SZT2: variants seen among roughly 807,000 people sequenced by gnomAD.
The protein encoded by SZT2 is KICSTOR complex protein SZT2.
In SZT2, 216 loss-of-function variants were observed where a neutral mutation model predicts 404.2. That is an observed-to-expected ratio of 0.53 (90% CI 0.48 to 0.60). The LOEUF is 0.60. SZT2 is among the 20% of genes least tolerant of loss of function. The pLI is 0.00. For synonymous variants in SZT2, 1,693 were observed against 1,749.9 expected (o/e 0.97, Z 0.81); for missense variants, 3,857 against 4,459.2 (o/e 0.86, Z 3.85).
intron 36 of SZT2, 39 bp from the exon 37 acceptor site, chr1:43,432,224 AGGGAGGACT>A: frequency 6.6e-7 from 1 of 1,513,258 alleles, no homozygotes; most frequent in Non-Finnish European, 8.9e-7. Flanking sequence ...CACCATGTGT[AGGGAGGACT>A]GCCCTGCCTA....
At chr1:43,400,224 G>A (rs945742582) in intron 1 of SZT2, among the ~76,000 whole-genome samples, 3 of 152,198 alleles carry the variant, frequency 2.0e-5, no homozygotes, top group Admixed American at 6.5e-5. Flanking sequence ...ACAAGTCTGA[G>A]CCACAGTGCC....
rs571072300 is a variant in SZT2 at position 43,397,567 on chromosome 1, G to A, written c.28-5610G>A. Among the ~76,000 whole-genome samples the A allele has an allele frequency of 3.4e-4, 51 of 150,142 alleles. No homozygotes were observed. The East Asian group carries it at 7.0e-3, about 21-fold the overall frequency. ...GAGATGGATGGAGTCTTGCTCTGTT[G>A]CCCAGGCTGGAGTGCAGTGGTGCAA... On this transcript the variant is annotated intron_variant, in intron 1 of 71. Coordinates refer to ENST00000634258, the MANE Select transcript of SZT2 (RefSeq NM_001365999.1).
At position 43,450,426 on chromosome 1, in the gene SZT2, C is replaced by T. The variant is rs1366548034; in HGVS notation, c.10245C>T (p.His3415=). Residue 3415 remains histidine, a synonymous_variant, in exon 72 of 72, where the codon CAC becomes CAT. Transcript: ENST00000634258. This position sits in a 1 kb window ranked among gnomAD's most constrained non-coding sequence, Gnocchi z 4.3. ...PPAQLVSTYH[H]LESVINTACF... is the part of the protein sequence containing the mutation. The stretch of plus-strand genomic sequence containing the variant: ...CCCAACTGGTCTCCACCTACCACCA[C>T]CTGGAGTCTGTCATCAACACAGCCT... The T allele has an allele frequency of 6.2e-7, 1 of 1,614,008 alleles. No individual in the cohort carries two copies. Among genetic ancestry groups the T allele is most frequent in the African/African-American group, 1.3e-5 (1 of 74,908 alleles).
In SZT2 at chr1:43,447,988, C is replaced by T; in HGVS notation, c.9563+17C>T. On this transcript the variant is annotated intron_variant, in intron 68 of 71. Coordinates refer to ENST00000634258, the MANE Select transcript of SZT2 (RefSeq NM_001365999.1). ...CGTTCTGCGGTCAGCAGATCCCCTA[C>T]CTTGAACATGCCCATTTCCCAGCCT... The T allele has an allele frequency of 1.2e-6, 2 of 1,613,750 alleles. No homozygotes were observed. The highest frequency in any genetic ancestry group is 1.1e-5 in the South Asian group (1 of 91,080).
Position 43,446,246 on chromosome 1 carries a change from A to AACTGGCATT in SZT2, c.8985_8993dup (p.Ala2997_Phe2998insLeuLeuAla). The AACTGGCATT allele has an allele frequency of 1.2e-6, 2 of 1,614,244 alleles. No homozygotes were observed. Among genetic ancestry groups the AACTGGCATT allele is most frequent in the Non-Finnish European group, 8.5e-7 (1 of 1,180,038 alleles). ...CTGCCTGGGGGCATCATCCTCATGG[A>AACTGGCATT]ACTGGCATTCCAGGTAAGCAGGAGG... On this transcript the variant is annotated inframe_insertion, in exon 64 of 72. Coordinates refer to ENST00000634258, the MANE Select transcript of SZT2 (RefSeq NM_001365999.1).
At chr1:43,395,846 T>G (rs1648931394) in intron 1 of SZT2, among the ~76,000 whole-genome samples, 1 of 152,258 alleles carries the variant, frequency 6.6e-6, no homozygotes, top group Non-Finnish European at 1.5e-5. Flanking sequence ...CTTGCCTTTG[T>G]TCTTTTTGGA....
At chr1:43,429,466 A>C (rs1300389504) in intron 28 of SZT2, 1 of 481,172 alleles carries the variant, frequency 2.1e-6, no homozygotes, top group African/African-American at 1.9e-5. Context: ...CTCCTACCTC[A>C]GCAACAGAGT....
At position 43,450,942 on chromosome 1, in the gene SZT2, CA is replaced by C. The variant is rs751115827; in HGVS notation, c.*464del. On this transcript the variant is annotated 3_prime_UTR_variant, in exon 72 of 72. Transcript: ENST00000634258. The surrounding 1 kb of genome is among the most constrained non-coding windows in gnomAD (Gnocchi z 4.3). ...TCCCATCGAGATGACACCTGGGTTC[CA>C]ATCCCAGCTCTGCCTTTGAAGCACT... The C allele has an allele frequency of 1.2e-5, 9 of 758,482 alleles. No homozygotes were observed. The African/African-American group carries it at 1.5e-4, about 13-fold the overall frequency. The allele number at this position is 758,482 out of a possible 1,614,324, so 47.0% of individuals were successfully genotyped here.
Position 43,450,289 on chromosome 1 carries a change from C to T in SZT2, c.10156-48C>T. 3 of 1,613,772 alleles carry T rather than the reference C, an allele frequency of 1.9e-6. No individual in the cohort carries two copies. Among genetic ancestry groups the T allele is most frequent in the Non-Finnish European group, 2.5e-6 (3 of 1,179,734 alleles). The stretch of plus-strand genomic sequence containing the variant: ...CTTTCTGAGCCCTGCCTCCTATCCC[C>T]ACCCATGCCCTCCTCTCACCAGTGC... On this transcript the variant is annotated intron_variant, in intron 71 of 71. Coordinates refer to ENST00000634258, the MANE Select transcript of SZT2 (RefSeq NM_001365999.1). This position sits in a 1 kb window ranked among gnomAD's most constrained non-coding sequence, Gnocchi z 4.3.
intron 62 of SZT2, among the ~76,000 whole-genome samples, chr1:43,444,830 C>T (rs761714958): frequency 2.6e-5 from 4 of 152,220 alleles, no homozygotes; most frequent in Non-Finnish European, 5.9e-5. Context: ...ACTTTCGTGT[C>T]TCCAGATTTG....
chr1:43,449,939 G>A, intron 70 of SZT2, 164 bp from the exon 71 acceptor site: 2 of 773,030 alleles, frequency 2.6e-6, no homozygotes, highest in African/African-American at 1.7e-5. Context: ...CAGCGAGGAT[G>A]AGGACTGAGG....
At position 43,450,802 on chromosome 1, in the gene SZT2, C is replaced by T; in HGVS notation, c.*322C>T. On this transcript the variant is annotated 3_prime_UTR_variant, in exon 72 of 72. Coordinates refer to ENST00000634258, the MANE Select transcript of SZT2 (RefSeq NM_001365999.1). The surrounding 1 kb of genome is among the most constrained non-coding windows in gnomAD (Gnocchi z 4.3). The stretch of plus-strand genomic sequence containing the variant: ...GGGAGTTCACACAGGGTGGCAAACA[C>T]CCCCTAGAGCTCCTCTGCCTGAATC... The T allele has an allele frequency of 2.8e-6, 2 of 707,136 alleles. No homozygotes were observed. Among genetic ancestry groups the T allele is most frequent in the Non-Finnish European group, 2.6e-6 (1 of 381,054 alleles). 43.8% of individuals were successfully genotyped at this position (707,136 alleles called of 1,614,324 possible).
Position 43,442,673 on chromosome 1 carries a change from G to A in SZT2, c.8151+55G>A, listed in dbSNP as rs2153935965. 1.9e-6 allele frequency: 3 copies of A among 1,541,438 alleles called. No homozygotes were observed. The highest frequency in any genetic ancestry group is 2.3e-5 in the East Asian group (1 of 44,234). ...TTTGGCTACTGAGGGGTCAGTTAAA[G>A]GAAAAACCAGCTCAGAAGCCAGAAA... On this transcript the variant is annotated intron_variant, in intron 58 of 71. Coordinates refer to ENST00000634258, the MANE Select transcript of SZT2 (RefSeq NM_001365999.1). The surrounding 1 kb of genome is among the most constrained non-coding windows in gnomAD (Gnocchi z 4.5).
At chr1:43,440,317 T>C (rs1415910853) in intron 51 of SZT2, 136 bp from the exon 52 acceptor site, 2 of 1,344,962 alleles carry the variant, frequency 1.5e-6, no homozygotes, top group African/African-American at 1.5e-5. Context: ...AGCAGCACAC[T>C]ATCAGTTGTA....
In SZT2 at chr1:43,420,975, G is replaced by A. The variant is rs370045267; in HGVS notation, c.1488G>A (p.Thr496=). ...RTHVIRRFWN[T]LQSINQTDQM... Reference sequence around the variant, plus strand: ...ATGTTATCCGGCGTTTCTGGAACACGCTGCAGAGGTCAGTGAAGTCATCAC... The same window carrying A: ...ATGTTATCCGGCGTTTCTGGAACACACTGCAGAGGTCAGTGAAGTCATCAC... The change falls in exon 10 of 72, where the codon ACG becomes ACA. Residue 496 remains threonine (T), a synonymous_variant. Transcript: ENST00000634258. This position sits in a 1 kb window ranked among gnomAD's most constrained non-coding sequence, Gnocchi z 5.1. 1.4e-4 allele frequency: 228 copies of A among 1,598,386 alleles called. 1 individual carries two copies. In the African/African-American group the frequency reaches 2.6e-3, roughly 18 times the overall value.
Position 43,435,290 on chromosome 1 carries a change from C to T in SZT2, c.5995C>T (p.Pro1999Ser), listed in dbSNP as rs908327069. ...AGAAGATCTGTGGCGCAGTGAGACT[C>T]CCTTCCACTCCCGTCAGCGGGCACC... ...SEEDLWRSET[P>S]FHSRQRAPLP... The change falls in exon 42 of 72, where the codon CCC (proline) becomes TCC (serine). Residue 1999 changes from proline to serine, a missense_variant. By Grantham distance (74) the Pro-to-Ser change is moderately conservative. Transcript: ENST00000634258. 1 of 1,614,230 alleles carries T rather than the reference C, an allele frequency of 6.2e-7. No individual in the cohort carries two copies. The highest frequency in any genetic ancestry group is 1.7e-5 in the Admixed American group (1 of 60,032).
intron 3 of SZT2, chr1:43,404,008 G>A (rs1048881706): frequency 7.1e-6 from 4 of 561,014 alleles, no homozygotes; most frequent in South Asian, 4.8e-5. Flanking sequence ...TCAGGAGTTC[G>A]AGACTAGCCT....
intron 26 of SZT2, 99 bp downstream of exon 26, chr1:43,427,833 A>ATATCCTGC: frequency 7.0e-7 from 1 of 1,435,354 alleles, no homozygotes. Context: ...AGTTGCTGCC[A>ATATCCTGC]TATCCTGCTG....
At position 43,437,122 on chromosome 1, in the gene SZT2, G is replaced by C. The variant is rs1349211597; in HGVS notation, c.6035-49G>C. ...GTTCCCAGGTGAGAAGTCTGTGGAG[G>C]GCAGAGGGTGGTGTGTCCCATTTCT... On this transcript the variant is annotated intron_variant, in intron 42 of 71. Transcript: ENST00000634258. The surrounding 1 kb of genome is among the most constrained non-coding windows in gnomAD (Gnocchi z 5.3). The C allele has an allele frequency of 6.2e-7, 1 of 1,604,798 alleles. No individual in the cohort carries two copies.
Sources: allele counts gnomAD v4.1 joint callset (sites outside exome capture counted in the v4.1 genomes callset), GRCh38; gene constraint gnomAD v4.1.1; non-coding constraint Gnocchi (gnomAD v3.1); transcripts MANE v1.5; gene names NCBI Gene and HGNC (gene_info 2026-07-23, HGNC 2026-07-21).